Variants in GTF2B observed in about 807,000 individuals in gnomAD.
GTF2B encodes the protein transcription initiation factor IIB.
A neutral mutation model predicts 34.6 loss-of-function variants in GTF2B; 20 were observed. The ratio of observed to expected loss-of-function variants is 0.58; its 90% CI spans 0.41 to 0.84. GTF2B has a LOEUF of 0.84. Among genes scored for constraint, GTF2B ranks in the 40% least tolerant of loss-of-function variants. The pLI is 0.00. For missense variants in GTF2B, 237 were observed against 393.3 expected (o/e 0.60, Z 3.36); for synonymous variants, 142 against 132.4 (o/e 1.07, Z -0.50).
Position 88,864,065 on chromosome 1 carries a change from G to C in GTF2B, c.174C>G (p.Asp58Glu). ...VGSEWRTFSN[D>E]KATKDPSRVG... Reference sequence around the variant, plus strand: ...CTCGAGATGGATCTTTTGTTGCTTTGTCATTGCTGAAAGTTCGCCATTCAG... The same window carrying C: ...CTCGAGATGGATCTTTTGTTGCTTTCTCATTGCTGAAAGTTCGCCATTCAG... The change falls in exon 3 of 7, where the codon GAC (aspartate) becomes GAG (glutamate). Residue 58 changes from aspartate to glutamate, a missense_variant. Transcript: ENST00000370500. 6.2e-7 allele frequency: 1 copy of C among 1,613,392 alleles called. No individual in the cohort carries two copies. The highest frequency in any genetic ancestry group is 8.5e-7 in the Non-Finnish European group (1 of 1,179,400).
chr1:88,863,782 T>G (rs1673493099), intron 3 of GTF2B, among the ~76,000 whole-genome samples, 199 bp downstream of exon 3: 1 of 152,216 alleles, frequency 6.6e-6, no homozygotes, highest in African/African-American at 2.4e-5. Context: ...CTTTATAATT[T>G]TGATTTAATG....
intron 2 of GTF2B, among the ~76,000 whole-genome samples, chr1:88,879,376 C>T (rs1007866476): frequency 1.3e-4 from 20 of 151,234 alleles, no homozygotes; most frequent in African/African-American, 1.9e-4. Context: ...GTTAGGAGTT[C>T]GATACCAGCC....
At chr1:88,873,578 G>T (rs1673749071) in intron 2 of GTF2B, among the ~76,000 whole-genome samples, 1 of 152,118 alleles carries the variant, frequency 6.6e-6, no homozygotes. Context: ...ACTTAAACAA[G>T]ATAGAAGTTT....
chr1:88,874,971 G>C (rs1380991136), intron 2 of GTF2B, among the ~76,000 whole-genome samples: 1 of 150,982 alleles, frequency 6.6e-6, no homozygotes, highest in African/African-American at 2.4e-5. Context: ...ACTATTTTAA[G>C]TCAACATGCT....
At chr1:88,871,772 G>A (rs1306593886) in intron 2 of GTF2B, among the ~76,000 whole-genome samples, 1 of 151,934 alleles carries the variant, frequency 6.6e-6, no homozygotes, top group Non-Finnish European at 1.5e-5. Context: ...ACTCTTGTTG[G>A]CCAGGGTGGA....
chr1:88,876,148 C>T (rs896525512), intron 2 of GTF2B, among the ~76,000 whole-genome samples: 4 of 152,282 alleles, frequency 2.6e-5, no homozygotes, highest in Admixed American at 6.5e-5. Context: ...AATACAAATA[C>T]GTTTATTTTA....
At chr1:88,861,404 C>A (rs1673437866) in intron 3 of GTF2B, among the ~76,000 whole-genome samples, 2 of 152,226 alleles carry the variant, frequency 1.3e-5, no homozygotes, top group South Asian at 4.1e-4. Flanking sequence ...GTGGCCCATG[C>A]CTGTAATCCT....
At chr1:88,870,962 T>C (rs12759215) in intron 2 of GTF2B, among the ~76,000 whole-genome samples, 147,730 of 149,960 alleles carry the variant, frequency 0.99, 72,794 homozygotes, top group Middle Eastern at 1. Flanking sequence ...AGCGCAATGG[T>C]GCAATCTTGG....
At chr1:88,861,813 C>G (rs1414809454) in intron 3 of GTF2B, among the ~76,000 whole-genome samples, 2 of 152,068 alleles carry the variant, frequency 1.3e-5, no homozygotes, top group Non-Finnish European at 2.9e-5. Flanking sequence ...GACTGGGTGA[C>G]AGAAAGAGAC....
chr1:88,885,358 T>G (rs1674041398), intron 2 of GTF2B, among the ~76,000 whole-genome samples: 1 of 151,936 alleles, frequency 6.6e-6, no homozygotes, highest in South Asian at 2.1e-4. Flanking sequence ...GAGAATCACT[T>G]GAAACTGGAA....
At chr1:88,880,820 C>A (rs1673919809) in intron 2 of GTF2B, among the ~76,000 whole-genome samples, 1 of 151,854 alleles carries the variant, frequency 6.6e-6, no homozygotes, top group Non-Finnish European at 1.5e-5. Flanking sequence ...ACCAGCCCGG[C>A]CAACATGGGG....
intron 1 of GTF2B, among the ~76,000 whole-genome samples, chr1:88,889,962 C>T (rs1045543561): frequency 3.3e-5 from 5 of 152,110 alleles, no homozygotes; most frequent in African/African-American, 1.2e-4. Context: ...ATCACTTGAA[C>T]TGGGGAGGTC....
chr1:88,891,292 C>T (rs1012982208), intron 1 of GTF2B, among the ~76,000 whole-genome samples, 191 bp downstream of exon 1: 3 of 152,176 alleles, frequency 2.0e-5, no homozygotes, highest in Non-Finnish European at 4.4e-5. Context: ...GTCAACAGCT[C>T]GGTAACCCCT....
intron 3 of GTF2B, among the ~76,000 whole-genome samples, chr1:88,863,245 G>A (rs1374496907): frequency 6.6e-6 from 1 of 152,150 alleles, no homozygotes; most frequent in East Asian, 1.9e-4. Flanking sequence ...TACAGATAAG[G>A]AATGTAAAGT....
intron 2 of GTF2B, among the ~76,000 whole-genome samples, chr1:88,876,474 T>A (rs913781194): frequency 6.6e-6 from 1 of 152,108 alleles, no homozygotes; most frequent in Non-Finnish European, 1.5e-5. Flanking sequence ...GAGTTCGAGA[T>A]CAGCCTGGGC....
intron 2 of GTF2B, among the ~76,000 whole-genome samples, chr1:88,876,462 A>T (rs956557396): frequency 2.0e-5 from 3 of 152,192 alleles, no homozygotes; most frequent in Non-Finnish European, 4.4e-5. Flanking sequence ...GCTTGAGCCC[A>T]GGAGTTCGAG....
intron 3 of GTF2B, among the ~76,000 whole-genome samples, chr1:88,863,525 C>CT (rs1006210536): frequency 3.1e-4 from 47 of 150,686 alleles, no homozygotes; most frequent in Admixed American, 1.3e-3. Context: ...TTCTATTTTC[C>CT]TTTTTTTTTG....
Position 88,887,359 on chromosome 1 carries a change from GCA to G in GTF2B, c.24_25del (p.Ala9SerfsTer22). ...GTTTGGACATGTGACTCTTGGAAGA[GCA>G]TCCAAACTAAAAGAAAAAAGTTGTA... On this transcript the variant is annotated frameshift_variant, in exon 2 of 7. Transcript: ENST00000370500. LOFTEE classifies it high-confidence loss of function. The G allele has an allele frequency of 6.3e-7, 1 of 1,598,594 alleles. No individual in the cohort carries two copies. Among genetic ancestry groups the G allele is most frequent in the South Asian group, 1.1e-5 (1 of 90,744 alleles).
intron 2 of GTF2B, among the ~76,000 whole-genome samples, chr1:88,882,207 G>A (rs1673964216): frequency 6.7e-6 from 1 of 150,214 alleles, no homozygotes; most frequent in Non-Finnish European, 1.5e-5. Context: ...GTACTCAGTA[G>A]GCTGAAGTAC....
Sources: gnomAD v4.1 joint callset for allele counts (sites outside exome capture counted in the v4.1 genomes callset) on GRCh38, gnomAD v4.1.1 for gene constraint, MANE v1.5 for transcripts, NCBI Gene and HGNC (gene_info 2026-07-23, HGNC 2026-07-21) for gene names.